CERKL: variants seen among roughly 807,000 people sequenced by gnomAD.
CERKL encodes the protein ceramide kinase-like protein.
CERKL carries 61 observed loss-of-function variants against 63.4 expected under a neutral mutation model. The ratio of observed to expected loss-of-function variants is 0.96; its 90% CI spans 0.78 to 1.19. CERKL has a LOEUF of 1.19. CERKL is among the 50% of genes most tolerant of loss of function. The probability of loss-of-function intolerance (pLI) is 0.00; values close to 1 mark genes in which losing one functional copy is unlikely to be tolerated. For synonymous variants in CERKL, 250 were observed against 230.5 expected (o/e 1.08, Z -0.77); for missense variants, 675 against 655.5 (o/e 1.03, Z -0.33).
chr2:181,641,291 A>G (rs1687412203), intron 1 of CERKL, among the ~76,000 whole-genome samples: 1 of 144,512 alleles, frequency 6.9e-6, no homozygotes, highest in African/African-American at 2.6e-5. Flanking sequence ...ATATATGTAT[A>G]TATGTGTATG....
intron 2 of CERKL, among the ~76,000 whole-genome samples, chr2:181,577,017 T>C (rs868071915): frequency 2.0e-5 from 3 of 152,166 alleles, no homozygotes; most frequent in African/African-American, 4.8e-5. Context: ...TCTTAAAACA[T>C]AGATTCTGGG....
At position 181,603,946 on chromosome 2, in the gene CERKL, G is replaced by T. The variant is rs1685565284; in HGVS notation, c.372C>A (p.Ile124=). 1 of 1,613,244 alleles carries T rather than the reference G, an allele frequency of 6.2e-7. No homozygotes were observed. Residue 124 remains isoleucine, a synonymous_variant, in exon 2 of 13, where the codon ATC becomes ATA. Coordinates refer to ENST00000410087, the MANE Select transcript of CERKL (RefSeq NM_201548.5). Reference sequence around the variant, plus strand: ...GTTTATTTTGTTCCTTTTTCAAGCAGATGAAGAGTGTGATACCTAATAAAG... The same window carrying T: ...GTTTATTTTGTTCCTTTTTCAAGCATATGAAGAGTGTGATACCTAATAAAG... The part of the protein sequence containing the change: ...SGTLLGITLF[I]CLKKEQNKLK...
intron 2 of CERKL, among the ~76,000 whole-genome samples, chr2:181,583,772 A>C (rs1043906794): frequency 1.2e-4 from 19 of 152,216 alleles, no homozygotes; most frequent in Admixed American, 1.1e-3. Flanking sequence ...AGAGAATAAA[A>C]CATACGAAAA....
intron 11 of CERKL, among the ~76,000 whole-genome samples, chr2:181,541,606 T>A (rs988970116): frequency 2.0e-5 from 3 of 152,206 alleles, no homozygotes; most frequent in Non-Finnish European, 4.4e-5. Context: ...ATGTGTGTCT[T>A]AGAAAAAAGT....
chr2:181,602,294 C>T (rs1287518130), intron 2 of CERKL, among the ~76,000 whole-genome samples: 1 of 152,178 alleles, frequency 6.6e-6, no homozygotes, highest in Admixed American at 6.5e-5. Flanking sequence ...AATTAAATGA[C>T]ATATCCTTAT....
intron 1 of CERKL, among the ~76,000 whole-genome samples, chr2:181,619,554 G>A (rs1686359031): frequency 6.6e-6 from 1 of 152,024 alleles, no homozygotes; most frequent in African/African-American, 2.4e-5. Flanking sequence ...CACAGGCTAG[G>A]CTTCCAATAA....
intron 2 of CERKL, among the ~76,000 whole-genome samples, chr2:181,602,278 T>G (rs976088729): frequency 5.3e-5 from 8 of 152,180 alleles, no homozygotes; most frequent in Admixed American, 5.2e-4. Context: ...GAGCTTTGAC[T>G]CTCCTAATTA....
At chr2:181,553,716 G>C (rs1359880578) in intron 5 of CERKL, among the ~76,000 whole-genome samples, 3 of 152,154 alleles carry the variant, frequency 2.0e-5, no homozygotes, top group Non-Finnish European at 4.4e-5. Context: ...AATTATTTTA[G>C]TCATTGACTA....
rs1014222223 is a variant in CERKL, at chr2:181,537,717, TGTGTGTCCAATAAACA to T, written c.*451_*466del. 7.0e-6 allele frequency: 3 copies of T among 429,020 alleles called. No homozygotes were observed. Among genetic ancestry groups the T allele is most frequent in the East Asian group, 7.1e-5 (1 of 14,164 alleles). 26.6% of individuals were successfully genotyped at this position (429,020 alleles called of 1,614,324 possible). A position where few individuals can be genotyped will look rare whatever the true frequency, so the allele number is the denominator to read the frequency against. On this transcript the variant is annotated 3_prime_UTR_variant, in exon 13 of 13. Transcript: ENST00000410087. Reference sequence around the variant, plus strand: ...TATTATGATGGTTGCAAAGTTTTTTTGTGTGTCCAATAAACACATTGTAAAAAAAAGAATTTGAATT... The same window carrying T: ...TATTATGATGGTTGCAAAGTTTTTTTCATTGTAAAAAAAAGAATTTGAATT...
chr2:181,614,965 T>C (rs753961920), intron 1 of CERKL, among the ~76,000 whole-genome samples: 2 of 152,240 alleles, frequency 1.3e-5, no homozygotes, highest in Admixed American at 6.5e-5. Flanking sequence ...GAATGACATA[T>C]AATTTTGCTT....
intron 1 of CERKL, among the ~76,000 whole-genome samples, chr2:181,604,454 G>A (rs1180711756): frequency 6.6e-6 from 1 of 152,138 alleles, no homozygotes; most frequent in African/African-American, 2.4e-5. Context: ...ATGGAAAGGG[G>A]AAGAAAAGAA....
intron 5 of CERKL, among the ~76,000 whole-genome samples, chr2:181,557,258 G>A (rs1020496057): frequency 6.6e-6 from 1 of 152,090 alleles, no homozygotes; most frequent in Non-Finnish European, 1.5e-5. Flanking sequence ...GATCCCATTT[G>A]TCAATTTTGG....
At chr2:181,592,801 A>T (rs1262301008) in intron 2 of CERKL, among the ~76,000 whole-genome samples, 2 of 152,202 alleles carry the variant, frequency 1.3e-5, no homozygotes, top group Non-Finnish European at 2.9e-5. Context: ...ATGTTGTGAA[A>T]ATTAACATCT....
intron 1 of CERKL, 135 bp downstream of exon 1, chr2:181,656,633 CG>C: frequency 1.3e-6 from 1 of 751,494 alleles, no homozygotes; most frequent in Non-Finnish European, 2.1e-6. Flanking sequence ...GTAACCTGTC[CG>C]GGCAGTGAGG....
chr2:181,537,899 T>G lies in CERKL; in HGVS notation c.*285A>C, dbSNP rs377448071. 1 of 560,014 alleles carries G rather than the reference T, an allele frequency of 1.8e-6. No individual in the cohort carries two copies. The highest frequency in any genetic ancestry group is 1.5e-5 in the South Asian group (1 of 65,374). The allele number at this position is 560,014 out of a possible 1,614,324, so 34.7% of individuals were successfully genotyped here. ...GTTAGAGCAATGGAGCATTACTGAG[T>G]TCCTCCCCCTGTCAGATCAGCAGCA... On this transcript the variant is annotated 3_prime_UTR_variant, in exon 13 of 13. Coordinates refer to ENST00000410087, the MANE Select transcript of CERKL (RefSeq NM_201548.5).
At chr2:181,616,042 A>C (rs527476844) in intron 1 of CERKL, among the ~76,000 whole-genome samples, 3 of 152,220 alleles carry the variant, frequency 2.0e-5, no homozygotes, top group Non-Finnish European at 4.4e-5. Context: ...TTGTTATCGG[A>C]TCAAATAAAA....
chr2:181,648,026 A>G (rs544521393), intron 1 of CERKL, among the ~76,000 whole-genome samples: 10 of 152,284 alleles, frequency 6.6e-5, no homozygotes, highest in Admixed American at 5.2e-4. Context: ...AAATAACCCA[A>G]AGTTTAAAAA....
At chr2:181,557,424 G>A (rs1438392022) in intron 5 of CERKL, among the ~76,000 whole-genome samples, 3 of 152,156 alleles carry the variant, frequency 2.0e-5, no homozygotes, top group Non-Finnish European at 2.9e-5. Context: ...TGTGTAAGGT[G>A]TAAGGAAGGG....
At chr2:181,586,832 G>C (rs908087016) in intron 2 of CERKL, among the ~76,000 whole-genome samples, 1 of 152,192 alleles carries the variant, frequency 6.6e-6, no homozygotes, top group African/African-American at 2.4e-5. Flanking sequence ...ACTCACATCT[G>C]TGCTGTTTTG....
Sources: gnomAD v4.1 joint callset for allele counts (sites outside exome capture counted in the v4.1 genomes callset) on GRCh38, gnomAD v4.1.1 for gene constraint, MANE v1.5 for transcripts, NCBI Gene and HGNC (gene_info 2026-07-23, HGNC 2026-07-21) for gene names.